The following SEMA6B variants were observed in gnomAD, a reference collection of about 807,000 sequenced individuals.
SEMA6B encodes semaphorin 6B.
A neutral mutation model predicts 78.6 loss-of-function variants in SEMA6B; 47 were observed. The ratio of observed to expected loss-of-function variants is 0.60; its 90% CI spans 0.47 to 0.76. The LOEUF is 0.76. Among genes scored for constraint, SEMA6B ranks in the 30% least tolerant of loss-of-function variants. The pLI is 0.00. For missense variants in SEMA6B, 1,213 were observed against 1,269.9 expected, an observed-to-expected ratio of 0.96 and a Z score of 0.68; for synonymous variants, 632 against 592.2, an observed-to-expected ratio of 1.07 and a Z score of -0.98.
At position 4,543,667 on chromosome 19, in the gene SEMA6B, C is replaced by T. The variant is rs1013629555; in HGVS notation, c.2601G>A (p.Pro867=). ...GDRHRGCHAR[P]GTDLAHLLPY... is the part of the protein sequence containing the mutation. ...GGAGGAGGTGGGCCAAGTCTGTGCC[C>T]GGCCGGGCGTGGCAGCCGCGGTGGC... The change falls in exon 17 of 17, where the codon CCG becomes CCA. Residue 867 remains proline, a synonymous_variant. Coordinates refer to ENST00000586582, the MANE Select transcript of SEMA6B (RefSeq NM_032108.4). 9 of 1,231,000 alleles carry T rather than the reference C, an allele frequency of 7.3e-6. No individual in the cohort carries two copies. The African/African-American group carries it at 7.8e-5, about 11-fold the overall frequency. The allele number at this position is 1,231,000 out of a possible 1,614,324, so 76.3% of individuals were successfully genotyped here. A position where few individuals can be genotyped will look rare whatever the true frequency, so the allele number is the denominator to read the frequency against.
In SEMA6B at chr19:4,556,999, T is replaced by G. The variant is rs1424974928; in HGVS notation, c.321A>C (p.Arg107Ser). 3 of 1,613,162 alleles carry G rather than the reference T, an allele frequency of 1.9e-6. No individual in the cohort carries two copies. The highest frequency in any genetic ancestry group is 4.5e-5 in the East Asian group (2 of 44,844). Residue 107 changes from arginine (R) to serine (S), a missense_variant, in exon 5 of 17, where the codon AGA becomes AGC. Transcript: ENST00000586582. The part of the protein sequence containing the change: ...ELRYQRKLTW[R>S]SNPSDINVCR... ...ACACGTTTATGTCGCTGGGGTTAGA[T>G]CTCCAGGTCAGCTTCTGCAGACAGA... is the stretch of plus-strand genomic sequence containing the variant.
chr19:4,550,817 T>C lies in SEMA6B; in HGVS notation c.1103A>G (p.Asp368Gly). ...TTCTCACCGGGGTCGAGGCACCTGA[T>C]CCTCCGGCACCGGCGTCCAGATGGA... is the stretch of plus-strand genomic sequence containing the variant. ...PESIWTPVPEDQVPRPRPGCC... is the reference protein window; with the variant it reads ...PESIWTPVPEGQVPRPRPGCC... Residue 368 changes from aspartate to glycine, a missense_variant, in exon 11 of 17, where the codon GAT (aspartate) becomes GGT (glycine). By Grantham distance (94) the Asp-to-Gly change is moderately conservative. Transcript: ENST00000586582. The surrounding 1 kb of genome is among the most constrained non-coding windows in gnomAD (Gnocchi z 6.6). The C allele has an allele frequency of 6.2e-7, 1 of 1,613,322 alleles. No individual in the cohort carries two copies. The highest frequency in any genetic ancestry group is 8.5e-7 in the Non-Finnish European group (1 of 1,179,974).
At chr19:4,549,191 T>A (rs1366724119) in intron 12 of SEMA6B, among the ~76,000 whole-genome samples, 1 of 151,884 alleles carries the variant, frequency 6.6e-6, no homozygotes, top group Non-Finnish European at 1.5e-5. Flanking sequence ...TTGTCTCTCT[T>A]CCCTATCTCT....
At chr19:4,548,477 G>C (rs1250637923) in intron 12 of SEMA6B, 32 bp from the exon 13 acceptor site, 1 of 1,590,260 alleles carries the variant, frequency 6.3e-7, no homozygotes, top group African/African-American at 1.3e-5. Context: ...GGTCAGGCTG[G>C]CCCCATATCA....
At position 4,543,777 on chromosome 19, in the gene SEMA6B, T is replaced by G; in HGVS notation, c.2491A>C (p.Arg831=). Residue 831 remains arginine, a synonymous_variant, in exon 17 of 17, where the codon AGG becomes CGG. Transcript: ENST00000586582. ...WSPPPTGSLR[R]PLGPHAPPAA... The stretch of plus-strand genomic sequence containing the variant: ...GGAGGGGCGTGGGGGCCCAGTGGCC[T>G]CCTCAGGCTGCCCGTCGGGGGCGGG... 8.2e-7 allele frequency: 1 copy of G among 1,221,284 alleles called. No homozygotes were observed. The highest frequency in any genetic ancestry group is 1.0e-6 in the Non-Finnish European group (1 of 981,920). The allele number at this position is 1,221,284 out of a possible 1,614,324, so 75.7% of individuals were successfully genotyped here.
At position 4,542,786 on chromosome 19, in the gene SEMA6B, C is replaced by T; in HGVS notation, c.*815G>A. On this transcript the variant is annotated 3_prime_UTR_variant, in exon 17 of 17. Coordinates refer to ENST00000586582, the MANE Select transcript of SEMA6B (RefSeq NM_032108.4). ...TTTACAGAGGGGCCCCACCCACCTTCGCCGCCCCCCAGGCCCCCAAGCCCT... is the reference window on the plus strand; with the variant it reads ...TTTACAGAGGGGCCCCACCCACCTTTGCCGCCCCCCAGGCCCCCAAGCCCT... 1.4e-6 allele frequency: 1 copy of T among 699,102 alleles called. No individual in the cohort carries two copies. The highest frequency in any genetic ancestry group is 2.6e-6 in the Non-Finnish European group (1 of 383,594). The allele number at this position is 699,102 out of a possible 1,614,324, so 43.3% of individuals were successfully genotyped here. A position where few individuals can be genotyped will look rare whatever the true frequency, so the allele number is the denominator to read the frequency against.
Position 4,544,193 on chromosome 19 carries a change from G to T in SEMA6B, c.2075C>A (p.Ala692Asp). 2 of 1,272,938 alleles carry T rather than the reference G, an allele frequency of 1.6e-6. No homozygotes were observed. The highest frequency in any genetic ancestry group is 5.2e-5 in the South Asian group (2 of 38,500). The allele number at this position is 1,272,938 out of a possible 1,614,324, so 78.9% of individuals were successfully genotyped here. Residue 692 changes from alanine (A) to aspartate (D), a missense_variant, in exon 17 of 17, where the codon GCC becomes GAC. Ala to Asp is a moderately radical substitution (Grantham distance 126). Coordinates refer to ENST00000586582, the MANE Select transcript of SEMA6B (RefSeq NM_032108.4). The surrounding 1 kb of genome is among the most constrained non-coding windows in gnomAD (Gnocchi z 5.1). ...APLMQNGWAK[A>D]TLLQGGPHDL... ...GTGGGGCCCGCCCTGCAGCAGCGTG[G>T]CCTTGGCCCAGCCGTTCTGCATCAG...
At position 4,556,088 on chromosome 19, in the gene SEMA6B, C is replaced by T. The variant is rs1254200729; in HGVS notation, c.371G>A (p.Gly124Asp). ...NVCRMKGKQEGECRNFVKVLL... is the reference protein window; with the variant it reads ...NVCRMKGKQEDECRNFVKVLL... ...CACCTTTACGAAGTTTCGACACTCG[C>T]CCTGAGGTGGGGACAGGAGGAAGCG... Residue 124 changes from glycine (G) to aspartate (D), a missense_variant and splice_region_variant, in exon 6 of 17, where the codon GGC becomes GAC. Gly to Asp is a moderately conservative substitution (Grantham distance 94). Transcript: ENST00000586582. 3.1e-6 allele frequency: 5 copies of T among 1,612,140 alleles called. No homozygotes were observed. The highest frequency in any genetic ancestry group is 1.1e-5 in the South Asian group (1 of 91,060).
Position 4,554,368 on chromosome 19 carries a change from C to A in SEMA6B, c.771+20G>T, listed in dbSNP as rs906523718. ...ATGATCAGAGCCTCTCAACTTCATG[C>A]CCCACTGCACCGGCCTCACCTTCTC... On this transcript the variant is annotated intron_variant, in intron 9 of 16. Coordinates refer to ENST00000586582, the MANE Select transcript of SEMA6B (RefSeq NM_032108.4). 1 of 1,592,338 alleles carries A rather than the reference C, an allele frequency of 6.3e-7. No individual in the cohort carries two copies. The highest frequency in any genetic ancestry group is 8.6e-7 in the Non-Finnish European group (1 of 1,160,526).
At chr19:4,557,936 C>T (rs1243561304) in intron 3 of SEMA6B, 90 bp downstream of exon 3, 4 of 1,152,108 alleles carry the variant, frequency 3.5e-6, no homozygotes, top group Admixed American at 3.9e-5. Flanking sequence ...GCACGACCTG[C>T]TCCATCCCCT....
Position 4,558,123 on chromosome 19 carries a change from C to A in SEMA6B, c.148G>T (p.Gly50Cys). The change falls in exon 3 of 17, where the codon GGC becomes TGC. Residue 50 changes from glycine (G) to cysteine (C), a missense_variant. Coordinates refer to ENST00000586582, the MANE Select transcript of SEMA6B (RefSeq NM_032108.4). The surrounding 1 kb of genome is among the most constrained non-coding windows in gnomAD (Gnocchi z 5.1). ...GGGGTCAGGCGTCCGGGCCCGCTGC[C>A]CACAAACACGGGATAGTGGTTCAGG... The part of the protein sequence containing the change: ...DYLNHYPVFV[G>C]SGPGRLTPAE... The A allele has an allele frequency of 6.6e-7, 1 of 1,518,458 alleles. No homozygotes were observed. Among genetic ancestry groups the A allele is most frequent in the Non-Finnish European group, 8.9e-7 (1 of 1,125,538 alleles). The allele number at this position is 1,518,458 out of a possible 1,614,324, so 94.1% of individuals were successfully genotyped here. A position where few individuals can be genotyped will look rare whatever the true frequency, so the allele number is the denominator to read the frequency against.
In SEMA6B at chr19:4,543,832, T is replaced by C; in HGVS notation, c.2436A>G (p.Ser812=). 7.4e-6 allele frequency: 9 copies of C among 1,212,818 alleles called. No individual in the cohort carries two copies. Among genetic ancestry groups the C allele is most frequent in the South Asian group, 8.3e-5 (2 of 24,134 alleles). The allele number at this position is 1,212,818 out of a possible 1,614,324, so 75.1% of individuals were successfully genotyped here. Residue 812 remains serine (S), a synonymous_variant, in exon 17 of 17, where the codon TCA becomes TCG. Coordinates refer to ENST00000586582, the MANE Select transcript of SEMA6B (RefSeq NM_032108.4). Reference sequence around the variant, plus strand: ...AGGGCCGCGGGAGGCCATCGGCGGCTGAGGCTGGGTCCAAGGGGCCCGTGG... The same window carrying C: ...AGGGCCGCGGGAGGCCATCGGCGGCCGAGGCTGGGTCCAAGGGGCCCGTGG... ...SAPTGPLDPA[S]AADGLPRPWS...
chr19:4,544,246 C>A lies in SEMA6B; in HGVS notation c.2022G>T (p.Gly674=). ...GCGCCAGCAGGGCCTCCGGGGGAAC[C>A]CCGGCGCCACCGCCACCGCCTCCGC... ...GRGGGGGGGA[G]VPPEALLAPL... The change falls in exon 17 of 17, where the codon GGG becomes GGT. Residue 674 remains glycine (G), a synonymous_variant. Coordinates refer to ENST00000586582, the MANE Select transcript of SEMA6B (RefSeq NM_032108.4). This position sits in a 1 kb window ranked among gnomAD's most constrained non-coding sequence, Gnocchi z 5.1. 3 of 1,278,786 alleles carry A rather than the reference C, an allele frequency of 2.3e-6. No individual in the cohort carries two copies. Among genetic ancestry groups the A allele is most frequent in the Non-Finnish European group, 3.0e-6 (3 of 1,016,538 alleles). The allele number at this position is 1,278,786 out of a possible 1,614,324, so 79.2% of individuals were successfully genotyped here. A position where few individuals can be genotyped will look rare whatever the true frequency, so the allele number is the denominator to read the frequency against.
intron 12 of SEMA6B, among the ~76,000 whole-genome samples, chr19:4,548,824 C>T (rs996945182): frequency 1.3e-5 from 2 of 152,222 alleles, no homozygotes; most frequent in East Asian, 3.9e-4. Context: ...CACGCCATCA[C>T]GCCTGGCAAG....
At chr19:4,548,882 C>T (rs1345465117) in intron 12 of SEMA6B, among the ~76,000 whole-genome samples, 1 of 152,202 alleles carries the variant, frequency 6.6e-6, no homozygotes, top group South Asian at 2.1e-4. Flanking sequence ...GTTGCCCAGG[C>T]TGCAGTGTAG....
rs1977046820 is a variant in SEMA6B, at chr19:4,542,708, G to T, written c.*893C>A. The T allele has an allele frequency of 3.0e-6, 2 of 676,342 alleles. No homozygotes were observed. The highest frequency in any genetic ancestry group is 2.7e-5 in the East Asian group (1 of 36,610). The allele number at this position is 676,342 out of a possible 1,614,324, so 41.9% of individuals were successfully genotyped here. ...ATGGTCAGCTGGAGGTCAGAGGGGG[G>T]AGGTCACAAGGGGACGGGTGGCATG... is the stretch of plus-strand genomic sequence containing the variant. On this transcript the variant is annotated 3_prime_UTR_variant, in exon 17 of 17. Transcript: ENST00000586582.
Position 4,558,283 on chromosome 19 carries a change from A to G in SEMA6B, c.121+54T>C, listed in dbSNP as rs1977526478. On this transcript the variant is annotated intron_variant, in intron 2 of 16. Coordinates refer to ENST00000586582, the MANE Select transcript of SEMA6B (RefSeq NM_032108.4). The surrounding 1 kb of genome is among the most constrained non-coding windows in gnomAD (Gnocchi z 5.1). ...GTGGGGGCAGCAGACCCAACTGGGAACCCAGATACTCCCACGGGACTCCAC... is the reference window on the plus strand; with the variant it reads ...GTGGGGGCAGCAGACCCAACTGGGAGCCCAGATACTCCCACGGGACTCCAC... 7.6e-7 allele frequency: 1 copy of G among 1,309,970 alleles called. No homozygotes were observed. Among genetic ancestry groups the G allele is most frequent in the Non-Finnish European group, 9.8e-7 (1 of 1,019,342 alleles). 81.1% of individuals were successfully genotyped at this position (1,309,970 alleles called of 1,614,324 possible).
At position 4,546,227 on chromosome 19, in the gene SEMA6B, C is replaced by T; in HGVS notation, c.1727G>A (p.Gly576Glu). ...DVSGASTSGLGDCTGLLRASL... is the reference protein window; with the variant it reads ...DVSGASTSGLEDCTGLLRASL... ...TCCCCCCAACTCACCTGTGCAGTCC[C>T]CTAAGCCTGAGGTGCTGGCCCCGGA... Residue 576 changes from glycine to glutamate, a missense_variant, in exon 16 of 17, where the codon GGG becomes GAG. By Grantham distance (98) the Gly-to-Glu change is moderately conservative. Coordinates refer to ENST00000586582, the MANE Select transcript of SEMA6B (RefSeq NM_032108.4). The T allele has an allele frequency of 3.7e-6, 6 of 1,612,170 alleles. No individual in the cohort carries two copies. The highest frequency in any genetic ancestry group is 2.2e-5 in the East Asian group (1 of 44,876).
chr19:4,544,507 G>C lies in SEMA6B; in HGVS notation c.1761C>G (p.Ser587=), dbSNP rs755550248. The C allele has an allele frequency of 1.9e-6, 3 of 1,558,180 alleles. No individual in the cohort carries two copies. The East Asian group carries it at 7.5e-5, about 39-fold the overall frequency. ...DCTGLLRASL[S]EDRAGLVSVN... Reference sequence around the variant, plus strand: ...CCGACACCAGCCCCGCGCGGTCCTCGGAGAGGCTGGCCCGCAGGAGTCCTG... The same window carrying C: ...CCGACACCAGCCCCGCGCGGTCCTCCGAGAGGCTGGCCCGCAGGAGTCCTG... The change falls in exon 17 of 17, where the codon TCC becomes TCG. Residue 587 remains serine, a synonymous_variant. Coordinates refer to ENST00000586582, the MANE Select transcript of SEMA6B (RefSeq NM_032108.4). The surrounding 1 kb of genome is among the most constrained non-coding windows in gnomAD (Gnocchi z 5.1).
Sources: allele counts gnomAD v4.1 joint callset (sites outside exome capture counted in the v4.1 genomes callset), GRCh38; gene constraint gnomAD v4.1.1; non-coding constraint Gnocchi (gnomAD v3.1); transcripts MANE v1.5; gene names NCBI Gene and HGNC (gene_info 2026-07-23, HGNC 2026-07-21).